NXPH1: variants seen among roughly 807,000 people sequenced by gnomAD.
NXPH1 encodes the protein neurexophilin-1.
In NXPH1, 5 loss-of-function variants were observed where a neutral mutation model predicts 23.7. The observed-to-expected ratio is 0.21, with a 90% CI of 0.11 to 0.44. The LOEUF (loss-of-function observed/expected upper bound fraction) is 0.44, where lower values mean the gene tolerates loss of function less well. Among genes scored for constraint, NXPH1 ranks in the 20% least tolerant of loss-of-function variants. The pLI is 0.99. For synonymous variants in NXPH1, 144 were observed against 122.2 expected (o/e 1.18, Z -1.18); for missense variants, 324 against 321.6 (o/e 1.01, Z -0.06).
intron 2 of NXPH1, among the ~76,000 whole-genome samples, chr7:8,655,481 C>CA (rs1362671125): frequency 2.5e-5 from 3 of 122,440 alleles, no homozygotes; most frequent in Non-Finnish European, 3.4e-5. Context: ...CACACACACA[C>CA]ATCAGATATG....
At position 8,740,080 on chromosome 7, in the gene NXPH1, A is replaced by G. The variant is rs570705903; in HGVS notation, c.55-10928A>G. 2.1e-3 allele frequency among the ~76,000 whole-genome samples: 324 copies of G among 152,340 alleles called. 2 individuals carry two copies. Among genetic ancestry groups the G allele is most frequent in the African/African-American group, 7.6e-3 (315 of 41,576 alleles). ...TTGTTTGGATTATTTGAGCTGATGT[A>G]ATGTTTCCAGTCAGGAGACAAGTAT... On this transcript the variant is annotated intron_variant, in intron 2 of 2. Transcript: ENST00000405863.
intron 2 of NXPH1, among the ~76,000 whole-genome samples, chr7:8,743,099 C>G (rs968456703): frequency 6.6e-6 from 1 of 152,006 alleles, no homozygotes; most frequent in Non-Finnish European, 1.5e-5. Flanking sequence ...TAACCATAAA[C>G]CACTAAAATG....
At chr7:8,448,685 C>T (rs973410926) in intron 2 of NXPH1, among the ~76,000 whole-genome samples, 1 of 152,082 alleles carries the variant, frequency 6.6e-6, no homozygotes. Context: ...GGTGTGGCGG[C>T]ACATGCCTGT....
At chr7:8,627,351 G>A (rs1360329869) in intron 2 of NXPH1, among the ~76,000 whole-genome samples, 1 of 152,108 alleles carries the variant, frequency 6.6e-6, no homozygotes, top group East Asian at 1.9e-4. Context: ...CTATATGGGA[G>A]GAGAAAAGAA....
intron 2 of NXPH1, among the ~76,000 whole-genome samples, chr7:8,595,534 A>G (rs1819203261): frequency 1.3e-5 from 2 of 152,124 alleles, no homozygotes; most frequent in African/African-American, 4.8e-5. Context: ...AAACATTGTA[A>G]GTATGAATTA....
At chr7:8,715,891 A>G (rs1779868201) in intron 2 of NXPH1, among the ~76,000 whole-genome samples, 1 of 152,190 alleles carries the variant, frequency 6.6e-6, no homozygotes, top group Non-Finnish European at 1.5e-5. Context: ...TGCTGGACAC[A>G]TAAAACATTA....
At position 8,751,242 on chromosome 7, in the gene NXPH1, C is replaced by T; in HGVS notation, c.289C>T (p.Leu97Phe). 4 of 1,613,896 alleles carry T rather than the reference C, an allele frequency of 2.5e-6. No individual in the cohort carries two copies. The highest frequency in any genetic ancestry group is 2.5e-6 in the Non-Finnish European group (3 of 1,179,832). ...LWDWLRNSTD[L>F]QEPRPRAKRR... is the part of the protein sequence containing the mutation. The stretch of plus-strand genomic sequence containing the variant: ...GGACTGGCTGAGGAACTCCACAGAC[C>T]TTCAAGAGCCTCGGCCCAGGGCCAA... Residue 97 changes from leucine (L) to phenylalanine (F), a missense_variant, in exon 3 of 3, where the codon CTT (leucine) becomes TTT (phenylalanine). Physicochemically the swap from Leu to Phe is conservative, Grantham distance 22. Coordinates refer to ENST00000405863, the MANE Select transcript of NXPH1 (RefSeq NM_152745.3). This position sits in a 1 kb window ranked among gnomAD's most constrained non-coding sequence, Gnocchi z 4.5.
At chr7:8,638,065 C>A (rs1298765648) in intron 2 of NXPH1, among the ~76,000 whole-genome samples, 3 of 152,094 alleles carry the variant, frequency 2.0e-5, no homozygotes, top group African/African-American at 7.2e-5. Flanking sequence ...GTGCAGGTGG[C>A]CATTACTTTG....
rs1816140889 is a variant in NXPH1, at chr7:8,433,837, AC to A, written c.-1027del. 1 of 152,314 alleles carries A rather than the reference AC, an allele frequency of 6.6e-6. No homozygotes were observed. Among genetic ancestry groups the A allele is most frequent in the Non-Finnish European group, 1.5e-5 (1 of 68,256 alleles). 9.4% of individuals were successfully genotyped at this position (152,314 alleles called of 1,614,324 possible). A position where few individuals can be genotyped will look rare whatever the true frequency, so the allele number is the denominator to read the frequency against. On this transcript the variant is annotated 5_prime_UTR_variant, in exon 1 of 3. The change creates a premature stop within an existing upstream ORF in the 5' untranslated region. Coordinates refer to ENST00000405863, the MANE Select transcript of NXPH1 (RefSeq NM_152745.3). This position sits in a 1 kb window ranked among gnomAD's most constrained non-coding sequence, Gnocchi z 6.8. ...CCCCCGGGAAGGGGGCGCTGCGGCC[AC>A]CGAAGACACCGCGGGAGCCACTTGT...
chr7:8,493,724 C>T lies in NXPH1; in HGVS notation c.54+57957C>T, dbSNP rs551399433. The stretch of plus-strand genomic sequence containing the variant: ...TCTGTGATCAGAAAGATTGTATTGT[C>T]AAGAAAATGTTCCAGTGGCACATGG... On this transcript the variant is annotated intron_variant, in intron 2 of 2. Transcript: ENST00000405863. Among the ~76,000 whole-genome samples the T allele has an allele frequency of 1.0e-3, 158 of 152,078 alleles. 6 individuals carry two copies. The South Asian group carries it at 0.032, about 30-fold the overall frequency.
At chr7:8,748,946 G>A (rs780605230) in intron 2 of NXPH1, among the ~76,000 whole-genome samples, 10 of 152,176 alleles carry the variant, frequency 6.6e-5, no homozygotes, top group Non-Finnish European at 1.2e-4. Flanking sequence ...AGGCAAATAG[G>A]AGACTGCTTC....
intron 2 of NXPH1, among the ~76,000 whole-genome samples, chr7:8,503,795 C>T (rs1817476877): frequency 6.6e-6 from 1 of 151,950 alleles, no homozygotes; most frequent in African/African-American, 2.4e-5. Flanking sequence ...CATTTAAGGT[C>T]CGGTTCATCC....
intron 2 of NXPH1, among the ~76,000 whole-genome samples, chr7:8,723,375 GCTAA>G (rs1779999953): frequency 6.6e-6 from 1 of 152,172 alleles, no homozygotes; most frequent in African/African-American, 2.4e-5. Context: ...AGAATATGAT[GCTAA>G]CTTTCTTGCC....
chr7:8,460,914 A>G (rs1318133421), intron 2 of NXPH1, among the ~76,000 whole-genome samples: 1 of 152,222 alleles, frequency 6.6e-6, no homozygotes, highest in Non-Finnish European at 1.5e-5. Context: ...ATGTGAAAGT[A>G]CCTGGCACTC....
At chr7:8,439,745 A>G (rs1584155245) in intron 2 of NXPH1, among the ~76,000 whole-genome samples, 1 of 152,208 alleles carries the variant, frequency 6.6e-6, no homozygotes, top group African/African-American at 2.4e-5. Context: ...TATCTATGGG[A>G]CCACTACCTC....
intron 2 of NXPH1, among the ~76,000 whole-genome samples, chr7:8,662,254 T>C (rs562152491): frequency 1.3e-5 from 2 of 152,072 alleles, no homozygotes; most frequent in South Asian, 2.1e-4. Flanking sequence ...TAGCTTGATA[T>C]TTGTTTCTAT....
intron 2 of NXPH1, among the ~76,000 whole-genome samples, chr7:8,697,776 C>G (rs1779558540): frequency 6.6e-6 from 1 of 152,074 alleles, no homozygotes; most frequent in African/African-American, 2.4e-5. Flanking sequence ...AAACATGTTC[C>G]AGAGAGCGAG....
chr7:8,722,220 GATTT>G (rs1191946767), intron 2 of NXPH1, among the ~76,000 whole-genome samples: 1 of 152,116 alleles, frequency 6.6e-6, no homozygotes, highest in Non-Finnish European at 1.5e-5. Flanking sequence ...CTTGCTGATG[GATTT>G]ATTTATTTTT....
At chr7:8,747,767 G>C (rs1021513082) in intron 2 of NXPH1, among the ~76,000 whole-genome samples, 1 of 150,466 alleles carries the variant, frequency 6.6e-6, no homozygotes, top group East Asian at 1.9e-4. Context: ...TTTTATTCAC[G>C]CACACACACA....
Sources: allele counts gnomAD v4.1 joint callset (sites outside exome capture counted in the v4.1 genomes callset), GRCh38; gene constraint gnomAD v4.1.1; non-coding constraint Gnocchi (gnomAD v3.1); transcripts MANE v1.5; gene names NCBI Gene and HGNC (gene_info 2026-07-23, HGNC 2026-07-21).